The following PRTFDC1 variants were observed in gnomAD, a reference collection of about 807,000 sequenced individuals.
The protein encoded by PRTFDC1 is phosphoribosyl transferase domain containing 1, also known as phosphoribosyltransferase domain-containing protein 1.
PRTFDC1 carries 38 observed loss-of-function variants against 34.6 expected under a neutral mutation model. That is an observed-to-expected ratio of 1.10 (90% CI 0.85 to 1.44). The LOEUF (loss-of-function observed/expected upper bound fraction) is 1.44, where lower values mean the gene tolerates loss of function less well. Among genes scored for constraint, PRTFDC1 ranks in the 40% most tolerant of loss-of-function variants. The pLI is 0.00. For synonymous variants in PRTFDC1, 93 were observed against 98.1 expected (o/e 0.95, Z 0.31); for missense variants, 270 against 283.0 (o/e 0.95, Z 0.33).
intron 3 of PRTFDC1, among the ~76,000 whole-genome samples, chr10:24,887,032 G>A (rs1286138990): frequency 1.3e-4 from 18 of 136,066 alleles, no homozygotes; most frequent in Admixed American, 1.2e-3. Flanking sequence ...CTGCAGTGGC[G>A]CAATCTCGGC....
chr10:24,930,830 C>G (rs182487125), intron 3 of PRTFDC1, among the ~76,000 whole-genome samples: 16 of 152,284 alleles, frequency 1.1e-4, no homozygotes, highest in African/African-American at 3.9e-4. Context: ...TTTTCATCCT[C>G]TTTACTAGCT....
At chr10:24,856,719 C>T (rs1439410071) in intron 6 of PRTFDC1, among the ~76,000 whole-genome samples, 194 bp downstream of exon 6, 3 of 151,888 alleles carry the variant, frequency 2.0e-5, no homozygotes, top group Admixed American at 6.6e-5. Context: ...CGGCAAAGCA[C>T]GTCTTCTTCC....
At chr10:24,894,098 C>T (rs537481264) in intron 3 of PRTFDC1, among the ~76,000 whole-genome samples, 11 of 152,110 alleles carry the variant, frequency 7.2e-5, no homozygotes, top group South Asian at 2.1e-4. Flanking sequence ...TTTGGGAGGC[C>T]GAGGTGGGGG....
intron 2 of PRTFDC1, among the ~76,000 whole-genome samples, chr10:24,940,531 A>G (rs929104309): frequency 1.3e-5 from 2 of 152,240 alleles, no homozygotes; most frequent in Admixed American, 1.3e-4. Context: ...AAGAATGGCT[A>G]TAATCAAAAG....
chr10:24,947,382 G>C (rs1849266361), intron 1 of PRTFDC1, among the ~76,000 whole-genome samples: 1 of 152,140 alleles, frequency 6.6e-6, no homozygotes, highest in Non-Finnish European at 1.5e-5. Context: ...GTAGATAACT[G>C]TTATTCACTT....
At chr10:24,927,911 A>C (rs1043629309) in intron 3 of PRTFDC1, among the ~76,000 whole-genome samples, 1 of 152,148 alleles carries the variant, frequency 6.6e-6, no homozygotes, top group Non-Finnish European at 1.5e-5. Flanking sequence ...ATGACCAAAG[A>C]GTAAAGACAA....
intron 4 of PRTFDC1, among the ~76,000 whole-genome samples, chr10:24,869,113 T>C (rs932893701): frequency 6.6e-6 from 1 of 152,208 alleles, no homozygotes; most frequent in African/African-American, 2.4e-5. Context: ...ACATTGCCAT[T>C]GAATAGTGGG....
intron 1 of PRTFDC1, among the ~76,000 whole-genome samples, chr10:24,942,687 AC>A (rs1225732487): frequency 1.3e-5 from 2 of 152,194 alleles, no homozygotes; most frequent in Admixed American, 1.3e-4. Flanking sequence ...TTTCTCTGTC[AC>A]CCAGGCTGGA....
chr10:24,900,795 C>T (rs1848437709), intron 3 of PRTFDC1, among the ~76,000 whole-genome samples: 1 of 152,014 alleles, frequency 6.6e-6, no homozygotes, highest in South Asian at 2.1e-4. Context: ...AAATAAATAA[C>T]CTGGGTAAGT....
At chr10:24,947,796 G>T (rs1849274567) in intron 1 of PRTFDC1, among the ~76,000 whole-genome samples, 2 of 151,852 alleles carry the variant, frequency 1.3e-5, no homozygotes. Context: ...AAGAGAAAGG[G>T]GGTCTCATCC....
intron 3 of PRTFDC1, among the ~76,000 whole-genome samples, chr10:24,896,572 T>C (rs1346633516): frequency 6.6e-6 from 1 of 152,200 alleles, no homozygotes; most frequent in Non-Finnish European, 1.5e-5. Context: ...TTTAGTCTTT[T>C]CTTAATGGAA....
chr10:24,899,837 C>A (rs1483801085), intron 3 of PRTFDC1, among the ~76,000 whole-genome samples: 1 of 152,174 alleles, frequency 6.6e-6, no homozygotes, highest in Non-Finnish European at 1.5e-5. Flanking sequence ...AACAATGTTG[C>A]GGGAAGTATT....
intron 3 of PRTFDC1, among the ~76,000 whole-genome samples, chr10:24,879,410 C>G (rs1283772262): frequency 6.6e-6 from 1 of 152,030 alleles, no homozygotes; most frequent in Non-Finnish European, 1.5e-5. Context: ...GTGGTGCGAC[C>G]TTGGCTCACT....
intron 3 of PRTFDC1, among the ~76,000 whole-genome samples, chr10:24,889,001 A>G (rs1848216680): frequency 6.6e-6 from 1 of 152,132 alleles, no homozygotes; most frequent in African/African-American, 2.4e-5. Context: ...CCTGCCTGTT[A>G]TGGTCTGAAT....
chr10:24,851,865 C>T (rs1000434166), intron 7 of PRTFDC1, among the ~76,000 whole-genome samples: 4 of 151,606 alleles, frequency 2.6e-5, no homozygotes, highest in South Asian at 4.2e-4. Flanking sequence ...GAAGGCGTTA[C>T]GACGCTGCAT....
At chr10:24,891,268 G>A (rs1848256855) in intron 3 of PRTFDC1, among the ~76,000 whole-genome samples, 1 of 151,902 alleles carries the variant, frequency 6.6e-6, no homozygotes, top group African/African-American at 2.4e-5. Flanking sequence ...CTGAGTATGG[G>A]TATATATCCT....
chr10:24,938,505 T>C (rs1422223957), intron 2 of PRTFDC1, among the ~76,000 whole-genome samples: 1 of 152,204 alleles, frequency 6.6e-6, no homozygotes, highest in Non-Finnish European at 1.5e-5. Flanking sequence ...AACAGGCAGT[T>C]CCACCAAGGT....
intron 3 of PRTFDC1, among the ~76,000 whole-genome samples, chr10:24,900,900 T>A (rs1165690729): frequency 6.6e-6 from 1 of 152,212 alleles, no homozygotes; most frequent in Non-Finnish European, 1.5e-5. Flanking sequence ...TTCCCAGGCA[T>A]GACCCTACGA....
At chr10:24,933,548 C>T (rs899079327) in intron 3 of PRTFDC1, among the ~76,000 whole-genome samples, 1 of 152,010 alleles carries the variant, frequency 6.6e-6, no homozygotes, top group Non-Finnish European at 1.5e-5. Context: ...GTGATATCAT[C>T]ACCTATTAGA....
Sources: gnomAD v4.1 joint callset for allele counts (sites outside exome capture counted in the v4.1 genomes callset) on GRCh38, gnomAD v4.1.1 for gene constraint, MANE v1.5 for transcripts, NCBI Gene and HGNC (gene_info 2026-07-23, HGNC 2026-07-21) for gene names.